The following DNAH6 variants were observed in gnomAD, a reference collection of about 807,000 sequenced individuals.
The protein encoded by DNAH6 is dynein axonemal heavy chain 6.
In DNAH6, 340 loss-of-function variants were observed where a neutral mutation model predicts 491.4. The observed-to-expected ratio is 0.69, with a 90% CI of 0.63 to 0.76. The LOEUF is 0.76. DNAH6 is among the 30% of genes least tolerant of loss of function. The pLI is 0.00. For missense variants in DNAH6, 4,443 were observed against 4,972.2 expected (o/e 0.89, Z 3.20); for synonymous variants, 1,603 against 1,686.1 (o/e 0.95, Z 1.21).
intron 2 of DNAH6, among the ~76,000 whole-genome samples, chr2:84,524,441 G>A (rs1676429024): frequency 6.6e-6 from 1 of 151,776 alleles, no homozygotes; most frequent in Non-Finnish European, 1.5e-5. Context: ...TACATTCAAG[G>A]TTAGTGTTGA....
chr2:84,663,539 T>A (rs1053054630), intron 37 of DNAH6, among the ~76,000 whole-genome samples: 1 of 151,674 alleles, frequency 6.6e-6, no homozygotes, highest in African/African-American at 2.4e-5. Flanking sequence ...AGAAGAGAAG[T>A]TTAGAGAAAA....
chr2:84,547,612 G>T lies in DNAH6; in HGVS notation c.1186G>T (p.Asp396Tyr), dbSNP rs1444735326. The T allele has an allele frequency of 1.3e-6, 2 of 1,551,604 alleles. No individual in the cohort carries two copies. Among genetic ancestry groups the T allele is most frequent in the Admixed American group, 3.9e-5 (2 of 50,960 alleles). The part of the protein sequence containing the change: ...PDDCAFGPFE[D>Y]YHKVQSSGSF... Reference sequence around the variant, plus strand: ...TGACTGTGCATTTGGACCTTTTGAGGGTATGAAGGGGAAAGAACCTCAATA... The same window carrying T: ...TGACTGTGCATTTGGACCTTTTGAGTGTATGAAGGGGAAAGAACCTCAATA... The change falls in exon 7 of 77, where the codon GAT (aspartate) becomes TAT (tyrosine). Residue 396 changes from aspartate to tyrosine, a missense_variant and splice_region_variant. Physicochemically the swap from Asp to Tyr is radical, Grantham distance 160. Transcript: ENST00000389394.
At position 84,704,155 on chromosome 2, in the gene DNAH6, T is replaced by G. The variant is rs546288026; in HGVS notation, c.8318T>G (p.Leu2773Arg). 6.4e-7 allele frequency: 1 copy of G among 1,551,918 alleles called. No homozygotes were observed. Among genetic ancestry groups the G allele is most frequent in the South Asian group, 1.2e-5 (1 of 84,060 alleles). Residue 2773 changes from leucine (L) to arginine (R), a missense_variant, in exon 51 of 77, where the codon CTT becomes CGT. Around this residue, in one of 3 missense-constraint regions of DNAH6, gnomAD observed 1,463 missense variants for 1,656.6 expected, o/e 0.88. Transcript: ENST00000389394. ...ATAGCTGATGATGCTCAAAGAGATC[T>G]TGACGAGGCACTACCTGCACTAGAT... ...QAIADDAQRD[L>R]DEALPALDAA...
intron 63 of DNAH6, among the ~76,000 whole-genome samples, chr2:84,755,292 G>T (rs1360683993): frequency 6.6e-6 from 1 of 152,124 alleles, no homozygotes; most frequent in Non-Finnish European, 1.5e-5. Flanking sequence ...TTGCCTTTCT[G>T]CCCTGCACCA....
At chr2:84,503,542 G>C in the DNAH6 span, among the ~76,000 whole-genome samples, 1 of 152,204 alleles carries the variant, frequency 6.6e-6, no homozygotes, top group South Asian at 2.1e-4. Context: ...TTTTCTGACT[G>C]AAGTATTCCC....
In DNAH6 at chr2:84,523,127, C is replaced by T. The variant is rs116062237; in HGVS notation, c.226-2438C>T. Among the ~76,000 whole-genome samples the T allele has an allele frequency of 2.3e-3, 348 of 151,964 alleles. 1 individual carries two copies. The highest frequency in any genetic ancestry group is 8.3e-3 in the African/African-American group (343 of 41,494). ...AGGCTATTTATTACTGACTTGAGTT[C>T]GGAGCTCATTATTGGTCTGTTCAGA... On this transcript the variant is annotated intron_variant, in intron 2 of 76. Transcript: ENST00000389394.
At chr2:84,479,120 C>T in the DNAH6 span, among the ~76,000 whole-genome samples, 5 of 152,228 alleles carry the variant, frequency 3.3e-5, no homozygotes, top group Admixed American at 6.5e-5. Flanking sequence ...GATGTCCAAC[C>T]GTAGTCTCCA....
intron 57 of DNAH6, among the ~76,000 whole-genome samples, chr2:84,714,934 A>G (rs1697378008): frequency 6.6e-6 from 1 of 151,504 alleles, no homozygotes; most frequent in African/African-American, 2.4e-5. Flanking sequence ...GTTCATTCAC[A>G]CACTCTTGTT....
the DNAH6 span, among the ~76,000 whole-genome samples, chr2:84,483,202 A>T: frequency 6.6e-6 from 1 of 152,000 alleles, no homozygotes; most frequent in African/African-American, 2.4e-5. Context: ...AGGATCAAGC[A>T]ATCCTCAGGT....
At chr2:84,645,085 C>T (rs1052415570) in intron 33 of DNAH6, among the ~76,000 whole-genome samples, 18 of 152,100 alleles carry the variant, frequency 1.2e-4, no homozygotes, top group Admixed American at 1.0e-3. Flanking sequence ...TTTTTTCCTC[C>T]ACAACCTCAT....
intron 37 of DNAH6, 60 bp from the exon 38 acceptor site, chr2:84,669,229 C>T: frequency 1.5e-6 from 2 of 1,293,046 alleles, no homozygotes; most frequent in Non-Finnish European, 1.1e-6. Context: ...AGTGTATCTA[C>T]TACTGTGTGT....
intron 29 of DNAH6, among the ~76,000 whole-genome samples, chr2:84,626,361 TA>T (rs1687855617): frequency 6.6e-6 from 1 of 152,218 alleles, no homozygotes; most frequent in Admixed American, 6.5e-5. Flanking sequence ...TTTTATTCTA[TA>T]ACTAAATTAT....
intron 54 of DNAH6, among the ~76,000 whole-genome samples, chr2:84,709,030 CCAA>C (rs1391458570): frequency 2.0e-5 from 3 of 152,206 alleles, no homozygotes; most frequent in African/African-American, 7.2e-5. Flanking sequence ...TCAGACTCTC[CCAA>C]CAGGGAAAAT....
intron 64 of DNAH6, among the ~76,000 whole-genome samples, chr2:84,763,773 G>A (rs1450741870): frequency 1.5e-5 from 2 of 133,666 alleles, no homozygotes; most frequent in Non-Finnish European, 3.2e-5. Context: ...TGTGTATGAA[G>A]TTGCAAGATT....
chr2:84,632,042 C>G (rs181974909), intron 29 of DNAH6, among the ~76,000 whole-genome samples: 1 of 152,168 alleles, frequency 6.6e-6, no homozygotes, highest in Non-Finnish European at 1.5e-5. Context: ...ACAGGTATGT[C>G]CTGGTTATCT....
chr2:84,589,020 A>T, intron 16 of DNAH6, 66 bp downstream of exon 16: 2 of 1,371,928 alleles, frequency 1.5e-6, no homozygotes, highest in Non-Finnish European at 1.9e-6. Context: ...ATGCACAAGG[A>T]CTTCAATAAT....
chr2:84,543,999 A>G (rs1021797045), intron 4 of DNAH6, among the ~76,000 whole-genome samples: 4 of 152,164 alleles, frequency 2.6e-5, no homozygotes, highest in African/African-American at 7.2e-5. Context: ...ATGTAACTGA[A>G]ATCATCAAGC....
At chr2:84,744,364 A>G (rs1456514419) in intron 62 of DNAH6, among the ~76,000 whole-genome samples, 3 of 152,242 alleles carry the variant, frequency 2.0e-5, no homozygotes, top group Non-Finnish European at 2.9e-5. Flanking sequence ...GTCAGTGCGA[A>G]TTCTTAGTAC....
rs1683830712 is a variant in DNAH6, at chr2:84,588,958, A to G, written c.2610+4A>G. On this transcript the variant is annotated splice_donor_region_variant and intron_variant, in intron 16 of 76. Transcript: ENST00000389394. The stretch of plus-strand genomic sequence containing the variant: ...GTCCTATCAGAAGAATTTTAAGGTA[A>G]TGACAGTTTTACACCATCTGTCTTA... The G allele has an allele frequency of 6.5e-7, 1 of 1,543,376 alleles. No homozygotes were observed. Among genetic ancestry groups the G allele is most frequent in the Non-Finnish European group, 8.7e-7 (1 of 1,144,554 alleles).
Sources: gnomAD v4.1 joint callset for allele counts (sites outside exome capture counted in the v4.1 genomes callset) on GRCh38, gnomAD v4.1.1 for gene constraint, gnomAD v4.1.1 regional missense constraint, MANE v1.5 for transcripts, NCBI Gene and HGNC (gene_info 2026-07-23, HGNC 2026-07-21) for gene names.